The following KEL variants were observed in gnomAD, a reference collection of about 807,000 sequenced individuals.
The protein encoded by KEL is Kell metallo-endopeptidase (Kell blood group).
A neutral mutation model predicts 99.5 loss-of-function variants in KEL; 96 were observed. The ratio of observed to expected loss-of-function variants is 0.97; its 90% CI spans 0.82 to 1.14. KEL has a LOEUF of 1.14. Among genes scored for constraint, KEL ranks in the 50% most tolerant of loss-of-function variants. The probability of loss-of-function intolerance (pLI) is 0.00; values close to 1 mark genes in which losing one functional copy is unlikely to be tolerated. For synonymous variants in KEL, 355 were observed against 354.8 expected, an observed-to-expected ratio of 1.00 and a Z score of -0.01; for missense variants, 926 against 924.2, an observed-to-expected ratio of 1.00 and a Z score of -0.03.
At position 142,943,889 on chromosome 7, in the gene KEL, G is replaced by A; in HGVS notation, c.1492-6C>T. 5.6e-6 allele frequency: 9 copies of A among 1,612,460 alleles called. No homozygotes were observed. Among genetic ancestry groups the A allele is most frequent in the Non-Finnish European group, 7.6e-6 (9 of 1,178,566 alleles). On this transcript the variant is annotated splice_polypyrimidine_tract_variant and splice_region_variant and intron_variant, in intron 13 of 18. Transcript: ENST00000355265. The stretch of plus-strand genomic sequence containing the variant: ...AAGCTCGATCCAAGCTGTATCTGGG[G>A]AAGAGGCAGGAGGTGACTTGGGCAC...
intron 10 of KEL, among the ~76,000 whole-genome samples, chr7:142,950,800 A>G (rs952401957): frequency 1.6e-4 from 25 of 152,192 alleles, no homozygotes; most frequent in Admixed American, 1.6e-3. Flanking sequence ...TGTAGCACCT[A>G]CTTGTTTCTC....
intron 8 of KEL, 105 bp downstream of exon 8, chr7:142,954,079 C>T: frequency 7.0e-7 from 1 of 1,424,538 alleles, no homozygotes; most frequent in Non-Finnish European, 9.8e-7. Context: ...GAGTCAGAGA[C>T]AGAATGAAAA....
chr7:142,942,765 G>A (rs1346826859), intron 17 of KEL, 110 bp downstream of exon 17: 2 of 1,371,204 alleles, frequency 1.5e-6, no homozygotes, highest in Non-Finnish European at 2.1e-6. Context: ...GATGCGAAGG[G>A]CAGAAAGCCA....
In KEL at chr7:142,941,310, T is replaced by A. The variant is rs370926722; in HGVS notation, c.2141A>T (p.Tyr714Phe). 1.6e-4 allele frequency: 258 copies of A among 1,613,876 alleles called. No homozygotes were observed. Among genetic ancestry groups the A allele is most frequent in the Non-Finnish European group, 2.1e-4 (251 of 1,180,016 alleles). The change falls in exon 19 of 19, where the codon TAT (tyrosine) becomes TTT (phenylalanine). Residue 714 changes from tyrosine (Y) to phenylalanine (F), a missense_variant. Physicochemically the swap from Tyr to Phe is conservative, Grantham distance 22. Transcript: ENST00000355265. ...GAGAGCACCACGTGCACAGCGGAAA[T>A]ACCTGGCAAAGGCTGGGGTGCTGCT... ...PLSSTPAFAR[Y>F]FRCARGALLN... is the part of the protein sequence containing the mutation.
intron 10 of KEL, among the ~76,000 whole-genome samples, chr7:142,947,204 G>T (rs1796555671): frequency 6.6e-6 from 1 of 152,236 alleles, no homozygotes; most frequent in African/African-American, 2.4e-5. Flanking sequence ...AGGGAAAGCT[G>T]AGCTGGAACT....
chr7:142,955,520 T>A (rs1390616853), intron 6 of KEL, among the ~76,000 whole-genome samples: 1 of 152,028 alleles, frequency 6.6e-6, no homozygotes, highest in Non-Finnish European at 1.5e-5. Flanking sequence ...TGATTTTGAT[T>A]TTTTAGGAAT....
At chr7:142,952,086 A>G (rs1320690152) in intron 10 of KEL, among the ~76,000 whole-genome samples, 1 of 152,132 alleles carries the variant, frequency 6.6e-6, no homozygotes, top group Non-Finnish European at 1.5e-5. Flanking sequence ...CTCTTTGTGA[A>G]GCACGTTTGA....
intron 6 of KEL, 149 bp downstream of exon 6, chr7:142,957,678 C>T: frequency 1.0e-6 from 1 of 963,960 alleles, no homozygotes; most frequent in South Asian, 1.4e-5. Context: ...CCCTGACTTT[C>T]ACATCAATAA....
chr7:142,958,569 T>C lies in KEL; in HGVS notation c.401-141A>G, dbSNP rs2116681991. ...GTTTTATTTAACCCATGTAACATGA[T>C]TTACTTTCTAACCTGATTCTGGCAT... On this transcript the variant is annotated intron_variant, in intron 4 of 18. Coordinates refer to ENST00000355265, the MANE Select transcript of KEL (RefSeq NM_000420.3). The C allele has an allele frequency of 3.8e-6, 3 of 781,214 alleles. No homozygotes were observed. The South Asian group carries it at 4.6e-5, about 12-fold the overall frequency. 48.4% of individuals were successfully genotyped at this position (781,214 alleles called of 1,614,324 possible).
Position 142,942,203 on chromosome 7 carries a change from T to C in KEL, c.2037+231A>G, listed in dbSNP as rs963625641. The C allele has an allele frequency of 5.2e-6, 3 of 581,598 alleles. No individual in the cohort carries two copies. In the Admixed American group the frequency reaches 9.0e-5, roughly 17 times the overall value. 36.0% of individuals were successfully genotyped at this position (581,598 alleles called of 1,614,324 possible). A position where few individuals can be genotyped will look rare whatever the true frequency, so the allele number is the denominator to read the frequency against. On this transcript the variant is annotated intron_variant, in intron 18 of 18. Coordinates refer to ENST00000355265, the MANE Select transcript of KEL (RefSeq NM_000420.3). Reference sequence around the variant, plus strand: ...CTGGAGGAACTTGGGAATAGAGTTTTTTCTACCTTTTGAGTTGTGGGGGTG... The same window carrying C: ...CTGGAGGAACTTGGGAATAGAGTTTCTTCTACCTTTTGAGTTGTGGGGGTG...
Position 142,961,024 on chromosome 7 carries a change from C to T in KEL, c.304G>A (p.Asp102Asn), listed in dbSNP as rs1443374295. 18 of 1,614,058 alleles carry T rather than the reference C, an allele frequency of 1.1e-5. No homozygotes were observed. The highest frequency in any genetic ancestry group is 1.7e-5 in the Admixed American group (1 of 60,010). The change falls in exon 4 of 19, where the codon GAC becomes AAC. Residue 102 changes from aspartate to asparagine, a missense_variant. Asp to Asn is a conservative substitution (Grantham distance 23, BLOSUM62 1). Transcript: ENST00000355265. ...CTTCCACAGGCAAAGCTGAAGAAGT[C>T]GGTGCAGGGGGCCACACTTGTGTTC... is the stretch of plus-strand genomic sequence containing the variant. ...SGNTSVAPCT[D>N]FFSFACGRAK...
At chr7:142,952,399 C>T in intron 10 of KEL, 110 bp downstream of exon 10, 2 of 1,363,904 alleles carry the variant, frequency 1.5e-6, no homozygotes, top group Non-Finnish European at 1.0e-6. Context: ...CATGGAGGGG[C>T]ATCTACCATC....
intron 10 of KEL, among the ~76,000 whole-genome samples, chr7:142,950,334 C>G (rs536407003): frequency 3.3e-5 from 5 of 152,286 alleles, no homozygotes; most frequent in Admixed American, 1.3e-4. Flanking sequence ...ATCCAGGTGC[C>G]CTGGCTCCCT....
Position 142,961,809 on chromosome 7 carries a change from G to A in KEL, c.67C>T (p.Leu23Phe), listed in dbSNP as rs201708401. The change falls in exon 2 of 19, where the codon CTC becomes TTC. Residue 23 changes from leucine to phenylalanine, a missense_variant. Transcript: ENST00000355265. The stretch of plus-strand genomic sequence containing the variant: ...AGGCCACTTACCTCTTGGCTCCAGA[G>A]AGTTCCCATTCCACCTGCCTGGCTG... ...ERSQAGGMGT[L>F]WSQESTPEER... is the part of the protein sequence containing the mutation. The A allele has an allele frequency of 4.3e-6, 7 of 1,614,036 alleles. No homozygotes were observed. The East Asian group carries it at 1.6e-4, about 36-fold the overall frequency.
At chr7:142,942,653 G>A in intron 17 of KEL, 124 bp from the exon 18 acceptor site, 1 of 879,804 alleles carries the variant, frequency 1.1e-6, no homozygotes, top group South Asian at 1.4e-5. Flanking sequence ...TAGTTGATCT[G>A]AGCCAGAAGA....
Position 142,962,290 on chromosome 7 carries a change from C to A in KEL, c.-84G>T, listed in dbSNP as rs1481371219. ...AGGACTGGGGTCCAGGAAACACCCC[C>A]CGCCCCAGTTCCTTGATCCTGGAGA... is the stretch of plus-strand genomic sequence containing the variant. On this transcript the variant is annotated 5_prime_UTR_variant, in exon 1 of 19. Transcript: ENST00000355265. 1.5e-5 allele frequency: 22 copies of A among 1,492,950 alleles called. No individual in the cohort carries two copies. In the East Asian group the frequency reaches 3.6e-4, roughly 25 times the overall value. The allele number at this position is 1,492,950 out of a possible 1,614,324, so 92.5% of individuals were successfully genotyped here.
At chr7:142,954,583 G>A (rs1796780069) in intron 6 of KEL, 56 bp from the exon 7 acceptor site, 1 of 1,476,186 alleles carries the variant, frequency 6.8e-7, no homozygotes, top group Non-Finnish European at 9.5e-7. Flanking sequence ...GAGAGGGCAG[G>A]TGTGGGGAGG....
chr7:142,946,331 G>A lies in KEL; in HGVS notation c.1204-14C>T. On this transcript the variant is annotated splice_polypyrimidine_tract_variant and intron_variant, in intron 10 of 18. Coordinates refer to ENST00000355265, the MANE Select transcript of KEL (RefSeq NM_000420.3). ...TGGGCGGGCAGGCTATGGAGACAAA[G>A]CTGGAATGAGTGGCTCCTGTTCAGG... The A allele has an allele frequency of 6.3e-7, 1 of 1,592,180 alleles. No homozygotes were observed. The highest frequency in any genetic ancestry group is 8.6e-7 in the Non-Finnish European group (1 of 1,161,902).
chr7:142,953,259 G>T, intron 9 of KEL: 1 of 729,670 alleles, frequency 1.4e-6, no homozygotes, highest in Non-Finnish European at 1.7e-6. Context: ...ACACCCCCTT[G>T]ATTTCCTGAC....
Sources: gnomAD v4.1 joint callset for allele counts (sites outside exome capture counted in the v4.1 genomes callset) on GRCh38, gnomAD v4.1.1 for gene constraint, MANE v1.5 for transcripts, NCBI Gene and HGNC (gene_info 2026-07-23, HGNC 2026-07-21) for gene names.